The following C14orf39 variants were observed in gnomAD, a reference collection of about 807,000 sequenced individuals.
C14orf39 encodes protein SIX6OS1.
C14orf39 carries 66 observed loss-of-function variants against 85.6 expected under a neutral mutation model. The ratio of observed to expected loss-of-function variants is 0.77; its 90% CI spans 0.63 to 0.95. The LOEUF is 0.95. Among genes scored for constraint, C14orf39 ranks in the 40% least tolerant of loss-of-function variants. The probability of loss-of-function intolerance (pLI) is 0.00; values close to 1 mark genes in which losing one functional copy is unlikely to be tolerated. For synonymous variants in C14orf39, 242 were observed against 214.0 expected (o/e 1.13, Z -1.14); for missense variants, 735 against 663.9 (o/e 1.11, Z -1.18).
At chr14:60,458,860 A>T in intron 13 of C14orf39, 121 bp from the exon 14 acceptor site, 1 of 676,734 alleles carries the variant, frequency 1.5e-6, no homozygotes, top group Non-Finnish European at 2.5e-6. Context: ...TGGCAACTTC[A>T]TATGGTTCAA....
chr14:60,441,002 A>G (rs1890484251), intron 17 of C14orf39, among the ~76,000 whole-genome samples: 1 of 152,112 alleles, frequency 6.6e-6, no homozygotes, highest in African/African-American at 2.4e-5. Flanking sequence ...CCCTTACTCT[A>G]CATTACTTTG....
chr14:60,469,218 TC>T (rs1483857888), intron 8 of C14orf39, among the ~76,000 whole-genome samples: 2 of 150,634 alleles, frequency 1.3e-5, no homozygotes, highest in East Asian at 3.9e-4. Context: ...CTATGTTGCA[TC>T]TTATTCCTTC....
chr14:60,480,298 T>G (rs370026761), intron 4 of C14orf39, among the ~76,000 whole-genome samples: 8 of 152,260 alleles, frequency 5.3e-5, no homozygotes, highest in African/African-American at 1.9e-4. Context: ...GGTGCATGCC[T>G]GTAATCCCAG....
chr14:60,467,870 A>G (rs892749770), intron 9 of C14orf39, among the ~76,000 whole-genome samples: 1 of 151,726 alleles, frequency 6.6e-6, no homozygotes, highest in Non-Finnish European at 1.5e-5. Flanking sequence ...GAAAAAGTAA[A>G]AGCTGGTCAG....
chr14:60,506,087 C>T (rs1315355087), intron 1 of C14orf39, among the ~76,000 whole-genome samples: 1 of 152,120 alleles, frequency 6.6e-6, no homozygotes, highest in Non-Finnish European at 1.5e-5. Context: ...CCACAAAATG[C>T]AACTCTAGAG....
chr14:60,514,402 C>A (rs1311613188), intron 1 of C14orf39, among the ~76,000 whole-genome samples: 1 of 152,136 alleles, frequency 6.6e-6, no homozygotes, highest in Non-Finnish European at 1.5e-5. Flanking sequence ...AATATTTCAA[C>A]GGACCTGACC....
At chr14:60,450,522 T>C (rs545089839) in intron 16 of C14orf39, among the ~76,000 whole-genome samples, 3 of 152,282 alleles carry the variant, frequency 2.0e-5, no homozygotes, top group African/African-American at 7.2e-5. Context: ...GGCAAATTAC[T>C]AAGGTTTTTG....
At chr14:60,452,869 A>T (rs1016100284) in intron 16 of C14orf39, among the ~76,000 whole-genome samples, 58 of 152,132 alleles carry the variant, frequency 3.8e-4, no homozygotes, top group African/African-American at 1.3e-3. Flanking sequence ...CATATTTAGG[A>T]TTTTCTTAGA....
At chr14:60,485,778 C>G (rs750018014) in intron 1 of C14orf39, among the ~76,000 whole-genome samples, 167 bp downstream of exon 1, 150 of 152,164 alleles carry the variant, frequency 9.9e-4, no homozygotes, top group Non-Finnish European at 1.6e-3. Flanking sequence ...TCCCCCCCAT[C>G]CCCCGCCGCG....
At chr14:60,453,835 T>C (rs999904741) in intron 16 of C14orf39, among the ~76,000 whole-genome samples, 1 of 151,902 alleles carries the variant, frequency 6.6e-6, no homozygotes, top group African/African-American at 2.4e-5. Flanking sequence ...TAGATTTGAA[T>C]TGGACTATAT....
chr14:60,477,908 G>A (rs756392074), intron 5 of C14orf39, among the ~76,000 whole-genome samples: 33 of 152,074 alleles, frequency 2.2e-4, no homozygotes, highest in Admixed American at 5.2e-4. Flanking sequence ...GGCTGGGCAT[G>A]GTGGGTCATG....
intron 16 of C14orf39, among the ~76,000 whole-genome samples, chr14:60,445,810 A>G (rs1263692424): frequency 6.6e-6 from 1 of 152,176 alleles, no homozygotes; most frequent in Non-Finnish European, 1.5e-5. Context: ...ACATAATTGG[A>G]AGTAAAACAC....
intron 5 of C14orf39, among the ~76,000 whole-genome samples, chr14:60,472,345 A>G (rs1199519419): frequency 6.6e-6 from 1 of 152,038 alleles, no homozygotes; most frequent in Admixed American, 6.6e-5. Context: ...ATGGTCATCT[A>G]TTTAGGCACA....
intron 16 of C14orf39, among the ~76,000 whole-genome samples, chr14:60,447,341 C>T (rs1029568815): frequency 6.6e-6 from 1 of 152,320 alleles, no homozygotes; most frequent in African/African-American, 2.4e-5. Context: ...TGATAAGCAA[C>T]TTCAGCAGTC....
At chr14:60,455,190 A>T in intron 15 of C14orf39, 45 bp from the exon 16 acceptor site, 1 of 1,353,924 alleles carries the variant, frequency 7.4e-7, no homozygotes, top group South Asian at 1.4e-5. Context: ...CTATTATTAA[A>T]CACTGAATAC....
intron 4 of C14orf39, among the ~76,000 whole-genome samples, chr14:60,479,076 C>T (rs963036820): frequency 2.0e-5 from 3 of 151,818 alleles, no homozygotes; most frequent in Admixed American, 2.0e-4. Context: ...TATACATGCC[C>T]AATTTGGAAG....
chr14:60,438,625 T>A (rs1398806871), intron 17 of C14orf39, among the ~76,000 whole-genome samples: 1 of 152,208 alleles, frequency 6.6e-6, no homozygotes, highest in East Asian at 1.9e-4. Flanking sequence ...AGATTTTATA[T>A]CTATTTATAA....
chr14:60,507,083 G>T (rs1002194101), intron 1 of C14orf39, among the ~76,000 whole-genome samples: 1 of 152,094 alleles, frequency 6.6e-6, no homozygotes, highest in Non-Finnish European at 1.5e-5. Context: ...CTCTCGGCTC[G>T]GCTCGCGGGC....
intron 1 of C14orf39, among the ~76,000 whole-genome samples, chr14:60,510,533 G>C (rs2140188840): frequency 6.6e-6 from 1 of 152,288 alleles, no homozygotes; most frequent in Non-Finnish European, 1.5e-5. Context: ...GAGGCTTTTC[G>C]TTTCCCGGAG....
Sources: gnomAD v4.1 joint callset for allele counts (sites outside exome capture counted in the v4.1 genomes callset) on GRCh38, gnomAD v4.1.1 for gene constraint, MANE v1.5 for transcripts, NCBI Gene and HGNC (gene_info 2026-07-23, HGNC 2026-07-21) for gene names.